The following CWF19L2 variants were observed in gnomAD, a reference collection of about 807,000 sequenced individuals.
CWF19L2 encodes the protein CWF19-like protein 2.
Under a neutral mutation model 111.7 loss-of-function variants are expected in CWF19L2, and 98 were observed. The ratio of observed to expected loss-of-function variants is 0.88; its 90% CI spans 0.75 to 1.04. CWF19L2 has a LOEUF of 1.04. Among genes scored for constraint, CWF19L2 ranks in the 50% least tolerant of loss-of-function variants. The pLI is 0.00. For synonymous variants in CWF19L2, 351 were observed against 342.9 expected (o/e 1.02, Z -0.26); for missense variants, 1,101 against 1,051.4 (o/e 1.05, Z -0.65).
chr11:107,384,762 T>C (rs1418496454), intron 12 of CWF19L2, among the ~76,000 whole-genome samples: 1 of 152,220 alleles, frequency 6.6e-6, no homozygotes, highest in African/African-American at 2.4e-5. Context: ...AAATATTTAC[T>C]GTCTGGCCCT....
rs901650227 is a variant in CWF19L2, at chr11:107,373,241, A to T, written c.1872+16833T>A. On this transcript the variant is annotated intron_variant, in intron 12 of 17. Transcript: ENST00000282251. ...GCTTGCTCAGGTAAACAAAGCAGCC[A>T]GGAAGCTCGAACTGGGTGGAGCCCA... Among the ~76,000 whole-genome samples the T allele has an allele frequency of 1.3e-4, 17 of 128,270 alleles. 3 individuals are homozygous for T. Among genetic ancestry groups the T allele is most frequent in the Non-Finnish European group, 8.1e-5 (5 of 61,472 alleles). The allele number at this position is 128,270 out of a possible 152,430, so 84.2% of individuals were successfully genotyped here. A position where few individuals can be genotyped will look rare whatever the true frequency, so the allele number is the denominator to read the frequency against.
intron 10 of CWF19L2, among the ~76,000 whole-genome samples, chr11:107,408,630 G>A (rs939959078): frequency 2.6e-5 from 4 of 151,648 alleles, no homozygotes; most frequent in Admixed American, 1.3e-4. Context: ...TGCCTAAGAT[G>A]GTATTTCTAA....
intron 10 of CWF19L2, among the ~76,000 whole-genome samples, chr11:107,394,474 T>G (rs546451081): frequency 6.6e-6 from 1 of 152,198 alleles, no homozygotes; most frequent in African/African-American, 2.4e-5. Flanking sequence ...CTTCCCTGAT[T>G]TGAAAGCATT....
chr11:107,392,802 C>T lies in CWF19L2; in HGVS notation c.1711G>A (p.Gly571Arg). The T allele has an allele frequency of 6.3e-7, 1 of 1,592,104 alleles. No homozygotes were observed. The highest frequency in any genetic ancestry group is 2.3e-5 in the East Asian group (1 of 43,298). The change falls in exon 11 of 18, where the codon GGA (glycine) becomes AGA (arginine). Residue 571 changes from glycine to arginine, a missense_variant. By Grantham distance (125) the Gly-to-Arg change is moderately radical (BLOSUM62 -2). Coordinates refer to ENST00000282251, the MANE Select transcript of CWF19L2 (RefSeq NM_152434.3). The stretch of plus-strand genomic sequence containing the variant: ...ACCATCTGTCTCTTTCTTCTTCCTC[C>T]TTGTGATTCCAGAGATTTTCCGGGT... ...NTPGKSLESQ[G>R]GRRKRQMVST...
chr11:107,360,477 T>C (rs1440292171), intron 12 of CWF19L2, among the ~76,000 whole-genome samples: 1 of 152,182 alleles, frequency 6.6e-6, no homozygotes, highest in Non-Finnish European at 1.5e-5. Flanking sequence ...AATGATTTAT[T>C]TCCCTTTGAG....
At chr11:107,336,082 G>C (rs113701862) in intron 15 of CWF19L2, among the ~76,000 whole-genome samples, 1 of 151,892 alleles carries the variant, frequency 6.6e-6, no homozygotes, top group African/African-American at 2.4e-5. Flanking sequence ...TTAGCTGGGC[G>C]TAGTGGTGCA....
intron 7 of CWF19L2, among the ~76,000 whole-genome samples, chr11:107,429,799 T>A: frequency 2.1e-5 from 2 of 96,554 alleles, no homozygotes; most frequent in African/African-American, 3.9e-5. Flanking sequence ...CTAAAACAGA[T>A]TCTCACCAAA....
At chr11:107,407,581 GA>G (rs1861097587) in intron 10 of CWF19L2, among the ~76,000 whole-genome samples, 1 of 151,864 alleles carries the variant, frequency 6.6e-6, no homozygotes, top group Non-Finnish European at 1.5e-5. Context: ...GAGTTAGTGA[GA>G]AAAAAATAAT....
intron 12 of CWF19L2, among the ~76,000 whole-genome samples, chr11:107,380,885 A>G (rs769194292): frequency 3.3e-5 from 5 of 152,244 alleles, no homozygotes; most frequent in Non-Finnish European, 5.9e-5. Flanking sequence ...ATTCAGCCTT[A>G]AAAAGCAATG....
chr11:107,425,823 T>C (rs928861864), intron 8 of CWF19L2, among the ~76,000 whole-genome samples: 1 of 151,960 alleles, frequency 6.6e-6, no homozygotes. Flanking sequence ...GGTTAGTTTC[T>C]GATATTAAAT....
rs111765946 is a variant in CWF19L2, at chr11:107,415,495, T to C, written c.1617+714A>G. Among the ~76,000 whole-genome samples, 1,297 of 152,332 alleles carry C rather than the reference T, an allele frequency of 8.5e-3. 8 individuals carry two copies. The highest frequency in any genetic ancestry group is 0.014 in the Non-Finnish European group (919 of 68,030). ...CCATGCAGGTAGGTGTTTTTATTTG[T>C]TTTGTTCACTAACAGATAGATGAAT... is the stretch of plus-strand genomic sequence containing the variant. On this transcript the variant is annotated intron_variant, in intron 10 of 17. Transcript: ENST00000282251.
chr11:107,404,075 G>A (rs2135387403), intron 10 of CWF19L2: 3 of 771,478 alleles, frequency 3.9e-6, no homozygotes, highest in Non-Finnish European at 7.2e-6. Context: ...CAGCAGAGCT[G>A]AATGCTCATA....
At position 107,403,411 on chromosome 11, in the gene CWF19L2, C is replaced by G. The variant is rs1384307775; in HGVS notation, c.1618-10516G>C. The G allele has an allele frequency of 1.0e-4, 76 of 748,680 alleles. 2 individuals are homozygous for G. Among genetic ancestry groups the G allele is most frequent in the South Asian group, 1.0e-3 (73 of 72,448 alleles). 46.4% of individuals were successfully genotyped at this position (748,680 alleles called of 1,614,324 possible). On this transcript the variant is annotated intron_variant, in intron 10 of 17. Transcript: ENST00000282251. ...AACATGGCAACACTTATTCTTTTTT[C>G]TCATCTTCTGGTAGGGGATCTGTCG...
intron 10 of CWF19L2, chr11:107,404,093 C>G: frequency 1.3e-6 from 1 of 773,156 alleles, no homozygotes; most frequent in South Asian, 1.3e-5. Context: ...ATATATGGTT[C>G]TCCTTTCTCC....
At chr11:107,418,006 T>C (rs763955486) in intron 9 of CWF19L2, among the ~76,000 whole-genome samples, 188 bp downstream of exon 9, 20 of 152,160 alleles carry the variant, frequency 1.3e-4, no homozygotes, top group Non-Finnish European at 2.6e-4. Context: ...GTGATCCGCC[T>C]GCCTTGGCCT....
intron 10 of CWF19L2, among the ~76,000 whole-genome samples, chr11:107,401,306 C>T (rs1012765629): frequency 6.6e-6 from 1 of 152,010 alleles, no homozygotes; most frequent in Non-Finnish European, 1.5e-5. Context: ...TGATTGTTTA[C>T]CTTGAAAACC....
At chr11:107,441,212 C>T (rs1861614646) in intron 5 of CWF19L2, among the ~76,000 whole-genome samples, 1 of 152,090 alleles carries the variant, frequency 6.6e-6, no homozygotes, top group Non-Finnish European at 1.5e-5. Context: ...TCAGTATGTA[C>T]ACTGAAACAA....
intron 12 of CWF19L2, among the ~76,000 whole-genome samples, chr11:107,368,218 A>G (rs1024894787): frequency 7.3e-6 from 1 of 136,506 alleles, no homozygotes; most frequent in African/African-American, 2.9e-5. Context: ...CCAAGAGATA[A>G]GATCCAAATA....
At chr11:107,339,804 A>G (rs1338976856) in intron 14 of CWF19L2, among the ~76,000 whole-genome samples, 1 of 151,490 alleles carries the variant, frequency 6.6e-6, no homozygotes, top group African/African-American at 2.4e-5. Context: ...AACAGCTGGG[A>G]TTACAGGTGT....
Sources: allele counts gnomAD v4.1 joint callset (sites outside exome capture counted in the v4.1 genomes callset), GRCh38; gene constraint gnomAD v4.1.1; transcripts MANE v1.5; gene names NCBI Gene and HGNC (gene_info 2026-07-23, HGNC 2026-07-21).